The following KCNK9 variants were observed in gnomAD, a reference collection of about 807,000 sequenced individuals.
KCNK9 encodes the protein potassium two pore domain channel subfamily K member 9.
Under a neutral mutation model 10.8 loss-of-function variants are expected in KCNK9, and 1 was observed. That is an observed-to-expected ratio of 0.09 (90% CI 0.03 to 0.44). The LOEUF (loss-of-function observed/expected upper bound fraction) is 0.44. Among genes scored for constraint, KCNK9 ranks in the 20% least tolerant of loss-of-function variants. The probability of loss-of-function intolerance (pLI) is 0.97; values close to 1 mark genes in which losing one functional copy is unlikely to be tolerated. For missense variants in KCNK9, 303 were observed against 515.0 expected, an observed-to-expected ratio of 0.59 and a Z score of 3.98; for synonymous variants, 231 against 222.7, an observed-to-expected ratio of 1.04 and a Z score of -0.33.
At chr8:139,657,071 C>A (rs939889176) in intron 1 of KCNK9, among the ~76,000 whole-genome samples, 1 of 152,216 alleles carries the variant, frequency 6.6e-6, no homozygotes, top group African/African-American at 2.4e-5. Flanking sequence ...CCTGCCTGGT[C>A]CACCTGGCTG....
chr8:139,640,763 C>T (rs975141107), intron 1 of KCNK9, among the ~76,000 whole-genome samples: 5 of 152,208 alleles, frequency 3.3e-5, no homozygotes, highest in Non-Finnish European at 5.9e-5. Context: ...TCATTTCTAC[C>T]GCCCTCTGGC....
intron 1 of KCNK9, among the ~76,000 whole-genome samples, chr8:139,632,038 A>G (rs770471271): frequency 6.6e-5 from 10 of 152,228 alleles, no homozygotes; most frequent in Non-Finnish European, 1.3e-4. Context: ...AGAACCATAA[A>G]ACCCGATGCC....
chr8:139,606,908 T>G (rs1270408139), intron 2 of KCNK9, among the ~76,000 whole-genome samples: 2 of 152,198 alleles, frequency 1.3e-5, no homozygotes, highest in Non-Finnish European at 2.9e-5. Context: ...ATCTATTTAG[T>G]GGAGATTTCT....
chr8:139,682,081 G>T (rs554345929), intron 1 of KCNK9, among the ~76,000 whole-genome samples: 22 of 152,242 alleles, frequency 1.4e-4, no homozygotes, highest in Non-Finnish European at 2.5e-4. Context: ...GGTGCAGGGA[G>T]AAGCCCGGCT....
chr8:139,659,903 T>C (rs1816109859), intron 1 of KCNK9, among the ~76,000 whole-genome samples: 1 of 151,892 alleles, frequency 6.6e-6, no homozygotes, highest in Non-Finnish European at 1.5e-5. Context: ...TAAGATAATA[T>C]ATATTTGTGT....
At chr8:139,694,428 G>A (rs1428400234) in intron 1 of KCNK9, among the ~76,000 whole-genome samples, 1 of 152,214 alleles carries the variant, frequency 6.6e-6, no homozygotes, top group Non-Finnish European at 1.5e-5. Context: ...CTTAAGGGGT[G>A]TGCCTGGGAT....
chr8:139,604,374 A>AC (rs1817439861), intron 2 of KCNK9, among the ~76,000 whole-genome samples: 1 of 152,198 alleles, frequency 6.6e-6, no homozygotes, highest in Admixed American at 6.5e-5. Flanking sequence ...CTGGAGAGGC[A>AC]CCCTCCAAGA....
chr8:139,615,208 G>A (rs1586629219), downstream of KCNK9, among the ~76,000 whole-genome samples: 1 of 152,262 alleles, frequency 6.6e-6, no homozygotes, highest in Middle Eastern at 3.4e-3. Context: ...GAAATCAGTG[G>A]GAAGACCTAG....
chr8:139,614,727 T>C (rs922950093), downstream of KCNK9, among the ~76,000 whole-genome samples: 1 of 152,210 alleles, frequency 6.6e-6, no homozygotes. Flanking sequence ...CAATGAGGAT[T>C]ATAGCTGGAT....
chr8:139,660,635 TA>T (rs1301660764), intron 1 of KCNK9, among the ~76,000 whole-genome samples: 2 of 151,184 alleles, frequency 1.3e-5, no homozygotes, highest in Non-Finnish European at 3.0e-5. Flanking sequence ...AAAATAAAAA[TA>T]AAAAAAATAA....
chr8:139,636,225 C>T (rs1007244019), intron 1 of KCNK9, among the ~76,000 whole-genome samples: 2 of 152,238 alleles, frequency 1.3e-5, no homozygotes, highest in African/African-American at 4.8e-5. Context: ...GGCTGTCATT[C>T]TCCTGGATGA....
chr8:139,670,705 C>T (rs948714398), intron 1 of KCNK9, among the ~76,000 whole-genome samples: 1 of 152,136 alleles, frequency 6.6e-6, no homozygotes, highest in Admixed American at 6.5e-5. Flanking sequence ...AGTCTCAGAG[C>T]CATTGATTTT....
At chr8:139,666,225 G>A (rs1305642438) in intron 1 of KCNK9, among the ~76,000 whole-genome samples, 2 of 152,188 alleles carry the variant, frequency 1.3e-5, no homozygotes, top group Non-Finnish European at 2.9e-5. Context: ...CACTGGCCAG[G>A]TGACAAGAGG....
chr8:139,610,749 C>T (rs915288825), downstream of KCNK9, among the ~76,000 whole-genome samples: 5 of 152,158 alleles, frequency 3.3e-5, no homozygotes, highest in Admixed American at 2.6e-4. Context: ...GAGTGCAGGA[C>T]CTTAACATAA....
At chr8:139,657,271 C>A (rs966279370) in intron 1 of KCNK9, among the ~76,000 whole-genome samples, 2 of 152,212 alleles carry the variant, frequency 1.3e-5, no homozygotes, top group Non-Finnish European at 2.9e-5. Context: ...CTGAGCTTAA[C>A]TTCTCATGGG....
intron 1 of KCNK9, among the ~76,000 whole-genome samples, chr8:139,666,227 G>C (rs1420559557): frequency 6.6e-6 from 1 of 152,196 alleles, no homozygotes; most frequent in Non-Finnish European, 1.5e-5. Context: ...CTGGCCAGGT[G>C]ACAAGAGGCA....
At chr8:139,627,622 GAC>G (rs1047474480) in intron 1 of KCNK9, among the ~76,000 whole-genome samples, 2 of 152,372 alleles carry the variant, frequency 1.3e-5, no homozygotes, top group African/African-American at 4.8e-5. Flanking sequence ...CCAGCTCACA[GAC>G]AGTTCATTCT....
At chr8:139,650,243 T>C (rs942413256) in intron 1 of KCNK9, among the ~76,000 whole-genome samples, 1 of 152,098 alleles carries the variant, frequency 6.6e-6, no homozygotes, top group African/African-American at 2.4e-5. Context: ...AGGGGTGAGG[T>C]GGGAGCACCT....
chr8:139,632,626 A>AT (rs1815207673), intron 1 of KCNK9, among the ~76,000 whole-genome samples: 1 of 151,870 alleles, frequency 6.6e-6, no homozygotes, highest in South Asian at 2.1e-4. Flanking sequence ...TCTCTCTCTG[A>AT]CCTTCTGTTT....
Sources: allele counts gnomAD v4.1 joint callset (sites outside exome capture counted in the v4.1 genomes callset), GRCh38; gene constraint gnomAD v4.1.1; transcripts MANE v1.5; gene names NCBI Gene and HGNC (gene_info 2026-07-23, HGNC 2026-07-21).